Variants in RUNX1 observed in about 807,000 individuals in gnomAD.
The protein encoded by RUNX1 is runt-related transcription factor 1.
Under a neutral mutation model 42.8 loss-of-function variants are expected in RUNX1, and 19 were observed. The observed-to-expected ratio is 0.44, with a 90% CI of 0.31 to 0.65. The LOEUF is 0.65. RUNX1 is among the 30% of genes least tolerant of loss of function. The pLI, the probability that RUNX1 is intolerant of heterozygous loss-of-function variation, is 0.07. For missense variants in RUNX1, 528 were observed against 672.0 expected, an observed-to-expected ratio of 0.79 and a Z score of 2.37; for synonymous variants, 271 against 289.4, an observed-to-expected ratio of 0.94 and a Z score of 0.64.
intron 2 of RUNX1, among the ~76,000 whole-genome samples, chr21:35,017,832 G>A (rs1202807799): frequency 2.0e-5 from 3 of 152,158 alleles, no homozygotes; most frequent in Admixed American, 2.0e-4. Context: ...AGTCCTTCCA[G>A]AGAAAGAAGT....
At position 34,834,533 on chromosome 21, in the gene RUNX1, G is replaced by A. The variant is rs1446346250; in HGVS notation, c.682C>T (p.Leu228=). Residue 228 remains leucine (L), a synonymous_variant, in exon 7 of 9, where the codon CTG becomes TTG. Coordinates refer to ENST00000675419, the MANE Select transcript of RUNX1 (RefSeq NM_001754.5). ...SLSFSERLSE[L]EQLRRTAMRV... ...ATGGCTGTGCGCCGCAGCTGCTCCAGTTCACTGAGCCGCTCGGAAAAGGAC... is the reference window on the plus strand; with the variant it reads ...ATGGCTGTGCGCCGCAGCTGCTCCAATTCACTGAGCCGCTCGGAAAAGGAC... 2.5e-6 allele frequency: 4 copies of A among 1,611,584 alleles called. No individual in the cohort carries two copies. Among genetic ancestry groups the A allele is most frequent in the Non-Finnish European group, 3.4e-6 (4 of 1,179,150 alleles).
chr21:34,888,235 G>A, intron 3 of RUNX1: 1 of 1,066,968 alleles, frequency 9.4e-7, no homozygotes, highest in Non-Finnish European at 1.1e-6. Context: ...ACCCACGAGC[G>A]CCGCGTAACC....
chr21:35,036,275 TTATTA>T (rs1479629921), intron 2 of RUNX1, among the ~76,000 whole-genome samples: 1 of 151,654 alleles, frequency 6.6e-6, no homozygotes, highest in Non-Finnish European at 1.5e-5. Context: ...CTTTATGATT[TTATTA>T]TATTATTATT....
chr21:34,839,884 C>A (rs535701566), intron 6 of RUNX1, among the ~76,000 whole-genome samples: 1 of 152,140 alleles, frequency 6.6e-6, no homozygotes, highest in African/African-American at 2.4e-5. Flanking sequence ...GGGAGAAACA[C>A]GCGAACTAAA....
At chr21:34,962,836 T>C (rs1281080780) in intron 2 of RUNX1, among the ~76,000 whole-genome samples, 1 of 152,252 alleles carries the variant, frequency 6.6e-6, no homozygotes, top group Non-Finnish European at 1.5e-5. Context: ...CTCACCGTTG[T>C]CACTGTCCTG....
intron 3 of RUNX1, chr21:34,887,939 C>T (rs2058022562): frequency 9.4e-7 from 1 of 1,065,622 alleles, no homozygotes; most frequent in Admixed American, 5.3e-5. Context: ...TTCAGCTAAT[C>T]TTAAAACAAC....
In RUNX1 at chr21:34,960,675, C is replaced by T. The variant is rs112789262; in HGVS notation, c.59-67712G>A. 8.8e-3 allele frequency among the ~76,000 whole-genome samples: 1,345 copies of T among 152,252 alleles called. 17 individuals carry two copies. Among genetic ancestry groups the T allele is most frequent in the African/African-American group, 0.026 (1,093 of 41,530 alleles). On this transcript the variant is annotated intron_variant, in intron 2 of 8. Transcript: ENST00000675419. ...CCCTTTGGTGCTTGGTGGCTGCAAC[C>T]GTGGCTGAGTTCTAGGAGGCAGTTT...
intron 6 of RUNX1, among the ~76,000 whole-genome samples, chr21:34,847,468 G>A (rs2057333153): frequency 7.4e-6 from 1 of 134,854 alleles, no homozygotes; most frequent in Non-Finnish European, 1.6e-5. Flanking sequence ...TATAGTACAT[G>A]CAAAACAATA....
At chr21:35,011,229 A>G (rs184955384) in intron 2 of RUNX1, among the ~76,000 whole-genome samples, 3 of 152,302 alleles carry the variant, frequency 2.0e-5, no homozygotes, top group Non-Finnish European at 2.9e-5. Flanking sequence ...ACAAACAGGG[A>G]AAGGGTTAAG....
intron 2 of RUNX1, among the ~76,000 whole-genome samples, chr21:34,997,579 C>T (rs748758709): frequency 3.3e-5 from 5 of 152,312 alleles, no homozygotes; most frequent in East Asian, 1.9e-4. Flanking sequence ...GTCTTGCTGA[C>T]GATCAGCTTC....
intron 2 of RUNX1, among the ~76,000 whole-genome samples, chr21:34,942,752 A>G (rs2834686): frequency 0.048 from 7,265 of 152,258 alleles, 572 homozygotes; most frequent in African/African-American, 0.17. Flanking sequence ...TTCAGTGCAC[A>G]ATGAAGTCTG....
chr21:35,026,351 A>G (rs1236568919), intron 2 of RUNX1, among the ~76,000 whole-genome samples: 3 of 152,158 alleles, frequency 2.0e-5, no homozygotes, highest in African/African-American at 7.2e-5. Flanking sequence ...AAGAGGCTTT[A>G]ATACCCCTCA....
intron 7 of RUNX1, among the ~76,000 whole-genome samples, chr21:34,810,074 G>C (rs894765370): frequency 3.3e-5 from 5 of 152,208 alleles, no homozygotes; most frequent in African/African-American, 1.2e-4. Context: ...CAGACCTCTG[G>C]TGGGAGAGGC....
At chr21:34,893,873 T>A (rs1404494408) in intron 2 of RUNX1, among the ~76,000 whole-genome samples, 5 of 152,056 alleles carry the variant, frequency 3.3e-5, no homozygotes, top group African/African-American at 1.2e-4. Flanking sequence ...TGCAGCTTCT[T>A]TAGTCTTATA....
At chr21:34,978,063 G>T (rs1443206985) in intron 2 of RUNX1, among the ~76,000 whole-genome samples, 1 of 151,996 alleles carries the variant, frequency 6.6e-6, no homozygotes, top group African/African-American at 2.4e-5. Flanking sequence ...TCAGCCTCCA[G>T]GGCAGCTGGG....
At chr21:34,897,040 T>A (rs775581023) in intron 2 of RUNX1, among the ~76,000 whole-genome samples, 10 of 152,186 alleles carry the variant, frequency 6.6e-5, no homozygotes, top group Admixed American at 1.3e-4. Context: ...AAATTAGTGT[T>A]TGCCATGTGT....
In RUNX1 at chr21:34,985,074, T is replaced by C. The variant is rs77241771; in HGVS notation, c.58+63768A>G. On this transcript the variant is annotated intron_variant, in intron 2 of 8. Transcript: ENST00000675419. ...AAAAAATTGTGTCAAAGTAGTTATG[T>C]GATTCCAATAATACTTAGAAGACTT... 1.7e-3 allele frequency among the ~76,000 whole-genome samples: 254 copies of C among 152,340 alleles called. 7 individuals are homozygous for C. In the East Asian group the frequency reaches 0.042, roughly 25 times the overall value.
chr21:34,854,952 T>C (rs1352166778), intron 6 of RUNX1, among the ~76,000 whole-genome samples: 1 of 152,044 alleles, frequency 6.6e-6, no homozygotes, highest in Non-Finnish European at 1.5e-5. Flanking sequence ...AAAATAGAAA[T>C]AACTATATTT....
intron 2 of RUNX1, among the ~76,000 whole-genome samples, chr21:35,004,054 C>A (rs1366078059): frequency 2.0e-5 from 3 of 152,168 alleles, no homozygotes; most frequent in Non-Finnish European, 4.4e-5. Context: ...AAGTGGTAAA[C>A]CTTTTCCACC....
Sources: gnomAD v4.1 joint callset for allele counts (sites outside exome capture counted in the v4.1 genomes callset) on GRCh38, gnomAD v4.1.1 for gene constraint, MANE v1.5 for transcripts, NCBI Gene and HGNC (gene_info 2026-07-23, HGNC 2026-07-21) for gene names.